Variants in STAT6 observed in about 807,000 individuals in gnomAD.
The protein encoded by STAT6 is STAT, interleukin4-induced.
A neutral mutation model predicts 106.3 loss-of-function variants in STAT6; 45 were observed. The ratio of observed to expected loss-of-function variants is 0.42; its 90% CI spans 0.33 to 0.54. The LOEUF (loss-of-function observed/expected upper bound fraction) is 0.54, where lower values mean the gene tolerates loss of function less well. Ranked by LOEUF, STAT6 falls within the 20% of genes least tolerant of loss-of-function variation. The pLI is 0.06. For synonymous variants in STAT6, 413 were observed against 413.6 expected (o/e 1.00, Z 0.02); for missense variants, 797 against 1,062.2 (o/e 0.75, Z 3.47).
At position 57,108,261 on chromosome 12, in the gene STAT6, C is replaced by T. The variant is rs1408169749; in HGVS notation, c.18G>A (p.Leu6=). The part of the protein sequence containing the change: MSLWG[L]VSKMPPEKVQ... ...CTTTTTCTGGGGGCATCTTGGAGAC[C>T]AGACCCCACAGAGACATGATCTGGG... Residue 6 remains leucine (L), a synonymous_variant, in exon 2 of 22, where the codon CTG becomes CTA. Coordinates refer to ENST00000300134, the MANE Select transcript of STAT6 (RefSeq NM_003153.5). 6.2e-7 allele frequency: 1 copy of T among 1,609,796 alleles called. No individual in the cohort carries two copies. Among genetic ancestry groups the T allele is most frequent in the Non-Finnish European group, 8.5e-7 (1 of 1,177,412 alleles).
rs945523464 is a variant in STAT6, at chr12:57,095,513, G to A, written c.*1059C>T. On this transcript the variant is annotated 3_prime_UTR_variant, in exon 22 of 22. Transcript: ENST00000300134. Reference sequence around the variant, plus strand: ...TGCCTTGAGAGGGAGAATGGGATAGGGGAGTGAAGGGAAGCTGGCGGTGGA... The same window carrying A: ...TGCCTTGAGAGGGAGAATGGGATAGAGGAGTGAAGGGAAGCTGGCGGTGGA... The A allele has an allele frequency of 6.5e-6, 1 of 152,742 alleles. No individual in the cohort carries two copies. The highest frequency in any genetic ancestry group is 2.4e-5 in the African/African-American group (1 of 41,456). 9.5% of individuals were successfully genotyped at this position (152,742 alleles called of 1,614,324 possible).
chr12:57,106,927 TC>T, intron 4 of STAT6, 96 bp from the exon 5 acceptor site: 1 of 1,547,712 alleles, frequency 6.5e-7, no homozygotes, highest in South Asian at 1.2e-5. Flanking sequence ...GTTTTCTTGT[TC>T]CCCTCTCCCC....
At position 57,104,829 on chromosome 12, in the gene STAT6, A is replaced by G. The variant is rs1444855842; in HGVS notation, c.1002-16T>C. 6.2e-7 allele frequency: 1 copy of G among 1,613,934 alleles called. No individual in the cohort carries two copies. The highest frequency in any genetic ancestry group is 2.2e-5 in the East Asian group (1 of 44,884). ...AGTGCTTTCTCTGCCAGGGGAGGTC[A>G]GAGTGTGAACGAGCTCATCTCACTG... On this transcript the variant is annotated splice_polypyrimidine_tract_variant and intron_variant, in intron 9 of 21. Transcript: ENST00000300134.
At chr12:57,100,670 AAGAAAGAAAGAAAG>A (rs1266508442) in intron 13 of STAT6, among the ~76,000 whole-genome samples, 1 of 59,800 alleles carries the variant, frequency 1.7e-5, no homozygotes, top group Admixed American at 1.8e-4. Context: ...GAAAGAAAGA[AAGAAAGAAAGAAAG>A]AAAGAAAGAA....
Position 57,106,847 on chromosome 12 carries a change from A to T in STAT6, c.340-16T>A. On this transcript the variant is annotated splice_polypyrimidine_tract_variant and intron_variant, in intron 4 of 21. Coordinates refer to ENST00000300134, the MANE Select transcript of STAT6 (RefSeq NM_003153.5). ...AGTGGCGGAACTACACAGGAAGGAC[A>T]GATGCCAAGAAGTGAAACACTCTGC... 1 of 1,613,052 alleles carries T rather than the reference A, an allele frequency of 6.2e-7. No individual in the cohort carries two copies. The highest frequency in any genetic ancestry group is 8.5e-7 in the Non-Finnish European group (1 of 1,179,986).
Position 57,105,224 on chromosome 12 carries a change from G to A in STAT6, c.928C>T (p.Leu310=), listed in dbSNP as rs2034193835. 6.2e-7 allele frequency: 1 copy of A among 1,613,992 alleles called. No individual in the cohort carries two copies. The highest frequency in any genetic ancestry group is 1.3e-5 in the African/African-American group (1 of 74,934). Residue 310 remains leucine, a synonymous_variant, in exon 9 of 22, where the codon CTG becomes TTG. Transcript: ENST00000300134. ...TCTGTCACCATGTCGGCCCTGACCAGCGGAGGCTTGGCTGGGGCCCCCAGG... is the reference window on the plus strand; with the variant it reads ...TCTGTCACCATGTCGGCCCTGACCAACGGAGGCTTGGCTGGGGCCCCCAGG... ...RFLGAPAKPP[L]VRADMVTEKQ...
chr12:57,107,071 C>T (rs953327693), intron 4 of STAT6, among the ~76,000 whole-genome samples, 160 bp downstream of exon 4: 3 of 152,200 alleles, frequency 2.0e-5, no homozygotes, highest in African/African-American at 7.2e-5. Flanking sequence ...ATTCCCTGAG[C>T]TTGACTTGGG....
intron 12 of STAT6, 86 bp downstream of exon 12, chr12:57,102,743 C>G: frequency 8.5e-7 from 1 of 1,182,018 alleles, no homozygotes; most frequent in Non-Finnish European, 1.3e-6. Flanking sequence ...TTAAACATGC[C>G]CACCACCCCA....
rs2034343119 is a variant in STAT6, at chr12:57,107,434, AG to A, written c.256-121del. 3.1e-6 allele frequency: 4 copies of A among 1,309,234 alleles called. No individual in the cohort carries two copies. In the East Asian group the frequency reaches 9.3e-5, roughly 30 times the overall value. The allele number at this position is 1,309,234 out of a possible 1,614,324, so 81.1% of individuals were successfully genotyped here. A position where few individuals can be genotyped will look rare whatever the true frequency, so the allele number is the denominator to read the frequency against. ...AGGAAGCACAACTGTAGACTCCAGA[AG>A]TTTTTGTGCATTTGCATGCTTTTAA... On this transcript the variant is annotated intron_variant, in intron 3 of 21. Transcript: ENST00000300134.
In STAT6 at chr12:57,096,410, CTG is replaced by C. The variant is rs2033427567; in HGVS notation, c.*160_*161del. ...GGAAGGAGTGGATTGGCTCCACCCA[CTG>C]TGCATTCTCCTGTTAGTCTTTTCCT... On this transcript the variant is annotated 3_prime_UTR_variant, in exon 22 of 22. Coordinates refer to ENST00000300134, the MANE Select transcript of STAT6 (RefSeq NM_003153.5). The C allele has an allele frequency of 1.5e-6, 1 of 671,106 alleles. No homozygotes were observed. 41.6% of individuals were successfully genotyped at this position (671,106 alleles called of 1,614,324 possible). A position where few individuals can be genotyped will look rare whatever the true frequency, so the allele number is the denominator to read the frequency against.
intron 1 of STAT6, chr12:57,110,076 C>A (rs945998012): frequency 6.6e-6 from 1 of 152,366 alleles, no homozygotes; most frequent in Admixed American, 6.5e-5. Flanking sequence ...AGAATCCTTA[C>A]CCCTCCTGCT....
At position 57,105,480 on chromosome 12, in the gene STAT6, G is replaced by T; in HGVS notation, c.800C>A (p.Thr267Asn). 1.2e-6 allele frequency: 2 copies of T among 1,614,058 alleles called. No homozygotes were observed. The highest frequency in any genetic ancestry group is 3.3e-5 in the Admixed American group (2 of 60,008). Residue 267 changes from threonine to asparagine, a missense_variant, in exon 8 of 22, where the codon ACC (threonine) becomes AAC (asparagine). Coordinates refer to ENST00000300134, the MANE Select transcript of STAT6 (RefSeq NM_003153.5). ...LTGRLDEVLR[T>N]LVTSCFLVEK... ...TCCCGGGGAATACCTGGTGACGAGG[G>T]TTCTCAGGACTTCATCCAGCCGGCC...
In STAT6 at chr12:57,099,525, C is replaced by T; in HGVS notation, c.1745-85G>A. On this transcript the variant is annotated intron_variant, in intron 15 of 21. Transcript: ENST00000300134. The surrounding 1 kb of genome is among the most constrained non-coding windows in gnomAD (Gnocchi z 4.7). ...CCCTACCATAAGACCTGTTCTCACT[C>T]CACCAAGGCAAGGGAGAGAGGACCT... 8 of 1,574,800 alleles carry T rather than the reference C, an allele frequency of 5.1e-6. No homozygotes were observed. The South Asian group carries it at 6.8e-5, about 13-fold the overall frequency.
chr12:57,101,530 A>G (rs2033932223), intron 13 of STAT6, among the ~76,000 whole-genome samples: 1 of 148,620 alleles, frequency 6.7e-6, no homozygotes, highest in Admixed American at 6.7e-5. Context: ...ACTCCTGGCT[A>G]TTTTTTTGTT....
At chr12:57,105,900 G>A (rs1029184351) in intron 7 of STAT6, 26 of 637,418 alleles carry the variant, frequency 4.1e-5, no homozygotes, top group Non-Finnish European at 6.8e-5. Flanking sequence ...ATTGGAAAGT[G>A]TTCCCACCCA....
intron 2 of STAT6, 31 bp downstream of exon 2, chr12:57,108,131 TG>T: frequency 7.2e-7 from 1 of 1,385,992 alleles, no homozygotes. Flanking sequence ...AGGGAAGACT[TG>T]GGGGACCAGC....
intron 13 of STAT6, 94 bp from the exon 14 acceptor site, chr12:57,100,184 A>G: frequency 3.8e-6 from 4 of 1,062,364 alleles, no homozygotes; most frequent in Non-Finnish European, 5.7e-6. Context: ...CTCACGACAG[A>G]ATCACAGGGC....
intron 9 of STAT6, 148 bp from the exon 10 acceptor site, chr12:57,104,961 C>A: frequency 1.6e-6 from 2 of 1,214,684 alleles, no homozygotes; most frequent in Non-Finnish European, 1.2e-6. Flanking sequence ...CCCATCTTGG[C>A]CAAATCATGA....
intron 13 of STAT6, among the ~76,000 whole-genome samples, chr12:57,101,871 G>C (rs1217616147): frequency 1.3e-5 from 2 of 151,956 alleles, no homozygotes; most frequent in Non-Finnish European, 2.9e-5. Flanking sequence ...CACCATGTTG[G>C]CCAGGCTGGT....
Sources: allele counts gnomAD v4.1 joint callset (sites outside exome capture counted in the v4.1 genomes callset), GRCh38; gene constraint gnomAD v4.1.1; non-coding constraint Gnocchi (gnomAD v3.1); transcripts MANE v1.5; gene names NCBI Gene and HGNC (gene_info 2026-07-23, HGNC 2026-07-21).